The following SND1 variants were observed in gnomAD, a reference collection of about 807,000 sequenced individuals.
SND1 encodes the protein staphylococcal nuclease domain-containing protein 1.
SND1 carries 38 observed loss-of-function variants against 121.7 expected under a neutral mutation model. The ratio of observed to expected loss-of-function variants is 0.31; its 90% CI spans 0.24 to 0.41. The LOEUF (loss-of-function observed/expected upper bound fraction) is 0.41, where lower values mean the gene tolerates loss of function less well. SND1 is among the 10% of genes least tolerant of loss of function. The probability of loss-of-function intolerance (pLI) is 1.00; values close to 1 mark genes in which losing one functional copy is unlikely to be tolerated. For missense variants in SND1, 868 were observed against 1,184.6 expected (o/e 0.73, Z 3.92); for synonymous variants, 401 against 447.4 (o/e 0.90, Z 1.31).
At chr7:127,884,670 G>C (rs924322945) in intron 12 of SND1, among the ~76,000 whole-genome samples, 5 of 151,992 alleles carry the variant, frequency 3.3e-5, no homozygotes, top group Non-Finnish European at 7.4e-5. Context: ...CAGTCTGTTG[G>C]CTCTTCCCAG....
intron 16 of SND1, among the ~76,000 whole-genome samples, chr7:128,064,718 A>G (rs1370449526): frequency 1.3e-5 from 2 of 152,172 alleles, no homozygotes; most frequent in East Asian, 3.9e-4. Context: ...ACAGCTTAAA[A>G]TAGCCCCTGG....
At chr7:127,959,490 C>G (rs977503407) in intron 15 of SND1, among the ~76,000 whole-genome samples, 2 of 152,134 alleles carry the variant, frequency 1.3e-5, no homozygotes, top group East Asian at 3.8e-4. Flanking sequence ...TCTCTCTGAC[C>G]TCATCTCCTG....
chr7:127,743,480 C>A (rs73234894), intron 10 of SND1, among the ~76,000 whole-genome samples: 1 of 152,200 alleles, frequency 6.6e-6, no homozygotes, highest in Non-Finnish European at 1.5e-5. Context: ...TAGCCCCCAA[C>A]GTTTTGGTAG....
At chr7:127,699,360 G>C (rs1796063665) in intron 4 of SND1, among the ~76,000 whole-genome samples, 1 of 152,170 alleles carries the variant, frequency 6.6e-6, no homozygotes, top group Non-Finnish European at 1.5e-5. Context: ...TGGGGAGACA[G>C]TCAGTAAACA....
At chr7:127,679,759 A>G (rs997253724) in intron 1 of SND1, among the ~76,000 whole-genome samples, 1 of 152,244 alleles carries the variant, frequency 6.6e-6, no homozygotes, top group Non-Finnish European at 1.5e-5. Context: ...AACATCAATC[A>G]GTACGCAATC....
intron 15 of SND1, among the ~76,000 whole-genome samples, chr7:127,961,734 C>T (rs1037094417): frequency 7.9e-5 from 12 of 152,178 alleles, no homozygotes; most frequent in Non-Finnish European, 1.3e-4. Context: ...GCTTTTCTAC[C>T]ATTTCCTATG....
chr7:127,809,785 T>C (rs1051042634), intron 11 of SND1, among the ~76,000 whole-genome samples: 8 of 152,216 alleles, frequency 5.3e-5, no homozygotes, highest in African/African-American at 1.9e-4. Context: ...TGCAGAGAAA[T>C]AAGACTGAAG....
At chr7:127,766,816 T>C (rs991603431) in intron 10 of SND1, among the ~76,000 whole-genome samples, 3 of 149,832 alleles carry the variant, frequency 2.0e-5, no homozygotes, top group African/African-American at 4.9e-5. Context: ...TTTTTTCTTA[T>C]CTTACCGTCT....
At chr7:127,777,419 G>A (rs1334300394) in intron 10 of SND1, among the ~76,000 whole-genome samples, 3 of 152,340 alleles carry the variant, frequency 2.0e-5, no homozygotes. Flanking sequence ...ATTTGGTAGA[G>A]GAAAGAGATT....
At chr7:128,042,046 A>C (rs959288520) in intron 16 of SND1, among the ~76,000 whole-genome samples, 2 of 152,042 alleles carry the variant, frequency 1.3e-5, no homozygotes, top group African/African-American at 2.4e-5. Context: ...TGATGCCTAG[A>C]CACTGGCAGC....
intron 16 of SND1, among the ~76,000 whole-genome samples, chr7:128,018,922 A>C (rs1803286580): frequency 6.6e-6 from 1 of 152,226 alleles, no homozygotes; most frequent in South Asian, 2.1e-4. Flanking sequence ...TTAAGGCCAC[A>C]TACCTGTACT....
chr7:127,872,674 C>G (rs916327889), intron 12 of SND1, among the ~76,000 whole-genome samples: 1 of 150,760 alleles, frequency 6.6e-6, no homozygotes, highest in Non-Finnish European at 1.5e-5. Context: ...ACACACGACT[C>G]TGCCACGCAG....
chr7:127,996,886 C>T (rs1358497320), intron 16 of SND1, among the ~76,000 whole-genome samples: 1 of 152,202 alleles, frequency 6.6e-6, no homozygotes, highest in African/African-American at 2.4e-5. Context: ...CCTCCCCACA[C>T]ATGCTTGACA....
chr7:128,062,031 C>T (rs1054267600), intron 16 of SND1, among the ~76,000 whole-genome samples: 3 of 152,266 alleles, frequency 2.0e-5, no homozygotes, highest in African/African-American at 7.2e-5. Context: ...GGAACATGCA[C>T]AGTCCCCCAC....
chr7:127,775,553 A>C (rs1186067067), intron 10 of SND1, among the ~76,000 whole-genome samples: 1 of 152,086 alleles, frequency 6.6e-6, no homozygotes, highest in African/African-American at 2.4e-5. Flanking sequence ...ATTTCCAAAC[A>C]TTGTTGTACA....
chr7:127,668,375 G>A lies in SND1; in HGVS notation c.78+15924G>A, dbSNP rs538788444. Reference sequence around the variant, plus strand: ...CTAGACTAGATCAGATTGCCCTGCCGTATGAACACCATACTTCTCTCCCAT... The same window carrying A: ...CTAGACTAGATCAGATTGCCCTGCCATATGAACACCATACTTCTCTCCCAT... On this transcript the variant is annotated intron_variant, in intron 1 of 23. Coordinates refer to ENST00000354725, the MANE Select transcript of SND1 (RefSeq NM_014390.4). 5.3e-5 allele frequency among the ~76,000 whole-genome samples: 8 copies of A among 152,192 alleles called. No individual in the cohort carries two copies. In the East Asian group the frequency reaches 5.8e-4, roughly 11 times the overall value.
intron 1 of SND1, among the ~76,000 whole-genome samples, chr7:127,671,334 A>G (rs1270600040): frequency 6.6e-6 from 1 of 152,168 alleles, no homozygotes; most frequent in African/African-American, 2.4e-5. Flanking sequence ...TCCTCTCTAT[A>G]TTTATTACAT....
intron 16 of SND1, among the ~76,000 whole-genome samples, chr7:127,994,549 CAAAAAAAAAAAAAAA>C (rs563548702): frequency 0.051 from 2,352 of 46,226 alleles, 57 homozygotes; most frequent in Non-Finnish European, 0.06. Context: ...CACTTTTACT[CAAAAAAAAAAAAAAA>C]AAAAAAAAAA....
chr7:127,718,696 T>C, intron 9 of SND1: 1 of 985,408 alleles, frequency 1.0e-6, no homozygotes, highest in African/African-American at 1.7e-5. Context: ...AAGGGGTGCC[T>C]AATTCCAGTA....
Sources: allele counts gnomAD v4.1 joint callset (sites outside exome capture counted in the v4.1 genomes callset), GRCh38; gene constraint gnomAD v4.1.1; transcripts MANE v1.5; gene names NCBI Gene and HGNC (gene_info 2026-07-23, HGNC 2026-07-21).